The following ADGRL4 variants were observed in gnomAD, a reference collection of about 807,000 sequenced individuals.
ADGRL4 encodes EGF, latrophilin and seven transmembrane domain containing 1.
Under a neutral mutation model 74.8 loss-of-function variants are expected in ADGRL4, and 90 were observed. The observed-to-expected ratio is 1.20, with a 90% confidence interval of 1.02 to 1.43. The LOEUF is 1.43. Among genes scored for constraint, ADGRL4 ranks in the 40% most tolerant of loss-of-function variants. The pLI is 0.00. For missense variants in ADGRL4, 881 were observed against 814.3 expected (o/e 1.08, Z -1.00); for synonymous variants, 311 against 279.2 (o/e 1.11, Z -1.14).
At chr1:78,911,311 A>G (rs924602025) in intron 12 of ADGRL4, among the ~76,000 whole-genome samples, 1 of 151,854 alleles carries the variant, frequency 6.6e-6, no homozygotes, top group African/African-American at 2.4e-5. Context: ...AGAAACGGTG[A>G]AAGCAATCTT....
intron 12 of ADGRL4, among the ~76,000 whole-genome samples, chr1:78,909,429 G>A (rs1648711127): frequency 6.6e-6 from 1 of 151,780 alleles, no homozygotes; most frequent in Non-Finnish European, 1.5e-5. Flanking sequence ...GGCATTTTTG[G>A]TTGTCATATT....
At chr1:78,896,897 G>C (rs773349804) in intron 12 of ADGRL4, among the ~76,000 whole-genome samples, 1 of 152,126 alleles carries the variant, frequency 6.6e-6, no homozygotes, top group African/African-American at 2.4e-5. Flanking sequence ...CACTCACAGT[G>C]AGTTCATCAT....
intron 2 of ADGRL4, among the ~76,000 whole-genome samples, chr1:78,982,948 G>A (rs1650425355): frequency 6.6e-6 from 1 of 151,724 alleles, no homozygotes; most frequent in South Asian, 2.1e-4. Context: ...CCTTAAAAGG[G>A]TCCTCATCAG....
At chr1:78,992,816 T>A (rs915698810) in intron 2 of ADGRL4, among the ~76,000 whole-genome samples, 1 of 152,104 alleles carries the variant, frequency 6.6e-6, no homozygotes, top group Non-Finnish European at 1.5e-5. Flanking sequence ...ATATAATATA[T>A]ACTGTACAGT....
At chr1:78,934,223 G>A (rs1649306705) in intron 7 of ADGRL4, among the ~76,000 whole-genome samples, 1 of 151,238 alleles carries the variant, frequency 6.6e-6, no homozygotes, top group Non-Finnish European at 1.5e-5. Context: ...GTACCAAAAA[G>A]AACAGAGACC....
In ADGRL4 at chr1:79,005,058, A is replaced by C. The variant is rs529808429; in HGVS notation, c.172+12T>G. The C allele has an allele frequency of 6.2e-6, 10 of 1,608,916 alleles. No homozygotes were observed. The South Asian group carries it at 1.1e-4, about 18-fold the overall frequency. On this transcript the variant is annotated intron_variant, in intron 2 of 14. Transcript: ENST00000370742. ...ACAGTATAATCCAAAAGAAGTAACA[A>C]AGCTTGTTTACCTTCACAAATTGTG...
chr1:78,991,131 G>A (rs954494357), intron 2 of ADGRL4, among the ~76,000 whole-genome samples: 65 of 152,152 alleles, frequency 4.3e-4, no homozygotes, highest in African/African-American at 1.5e-3. Context: ...CTTCAATTAT[G>A]TTTTTAATAC....
chr1:78,920,029 G>T (rs555841452), intron 10 of ADGRL4, among the ~76,000 whole-genome samples, 154 bp downstream of exon 10: 46 of 152,016 alleles, frequency 3.0e-4, no homozygotes, highest in African/African-American at 1.1e-3. Flanking sequence ...AGCTGTGTTA[G>T]CATTATCAAA....
intron 2 of ADGRL4, among the ~76,000 whole-genome samples, chr1:78,999,919 G>T (rs1650807445): frequency 6.7e-6 from 1 of 150,370 alleles, no homozygotes; most frequent in Non-Finnish European, 1.5e-5. Flanking sequence ...TTCTTAATTT[G>T]GGAAAAAAAT....
Position 78,917,908 on chromosome 1 carries a change from A to T in ADGRL4, c.1604T>A (p.Ile535Asn). ...CACGGCTGGGCTTAGATAGCCAAAG[A>T]TATAAAAATTCTTGTGCAAAAATCC... ...NKGFLHKNFY[I>N]FGYLSPAVVV... Residue 535 changes from isoleucine (I) to asparagine (N), a missense_variant, in exon 11 of 15, where the codon ATC (isoleucine) becomes AAC (asparagine). Physicochemically the swap from Ile to Asn is moderately radical, Grantham distance 149 (BLOSUM62 -3). Transcript: ENST00000370742. 1 of 1,612,808 alleles carries T rather than the reference A, an allele frequency of 6.2e-7. No individual in the cohort carries two copies. The highest frequency in any genetic ancestry group is 8.5e-7 in the Non-Finnish European group (1 of 1,179,166).
chr1:78,906,062 C>T (rs1343459439), intron 12 of ADGRL4, among the ~76,000 whole-genome samples: 1 of 151,850 alleles, frequency 6.6e-6, no homozygotes, highest in Admixed American at 6.6e-5. Context: ...CAATGGACAA[C>T]TTTCAATAGT....
intron 2 of ADGRL4, among the ~76,000 whole-genome samples, chr1:79,001,907 C>T (rs1427871138): frequency 6.6e-6 from 1 of 151,900 alleles, no homozygotes; most frequent in Non-Finnish European, 1.5e-5. Context: ...GCACTGATAT[C>T]TTTTAATTAT....
At chr1:78,894,568 G>A (rs953993392) in intron 12 of ADGRL4, among the ~76,000 whole-genome samples, 2 of 151,694 alleles carry the variant, frequency 1.3e-5, no homozygotes, top group Non-Finnish European at 3.0e-5. Flanking sequence ...TCATACTCAT[G>A]AAACTGGAAT....
chr1:78,960,166 T>G (rs1649920450), intron 2 of ADGRL4, among the ~76,000 whole-genome samples: 1 of 152,316 alleles, frequency 6.6e-6, no homozygotes, highest in Non-Finnish European at 1.5e-5. Context: ...TAAAAGCATA[T>G]CATTGTATTA....
At position 78,920,257 on chromosome 1, in the gene ADGRL4, G is replaced by C. The variant is rs762643254; in HGVS notation, c.1387C>G (p.His463Asp). 1 of 1,611,924 alleles carries C rather than the reference G, an allele frequency of 6.2e-7. No homozygotes were observed. Among genetic ancestry groups the C allele is most frequent in the Non-Finnish European group, 8.5e-7 (1 of 1,178,846 alleles). ...AATAGGCTACAGCAAAGATTTTTGT[G>C]AATTGTTGTCCTGGTGCTTTGAATT... ...SEIQSTRTTI[H>D]KNLCCSLFLA... The change falls in exon 10 of 15, where the codon CAC (histidine) becomes GAC (aspartate). Residue 463 changes from histidine (H) to aspartate (D), a missense_variant. Transcript: ENST00000370742.
intron 3 of ADGRL4, 70 bp downstream of exon 3, chr1:78,946,204 A>G (rs1038771967): frequency 2.2e-5 from 30 of 1,350,682 alleles, no homozygotes; most frequent in Admixed American, 2.6e-5. Flanking sequence ...TGGTTTGAAT[A>G]TGTTTAACCT....
intron 12 of ADGRL4, among the ~76,000 whole-genome samples, chr1:78,913,001 G>A (rs988324599): frequency 6.6e-6 from 1 of 151,858 alleles, no homozygotes; most frequent in Non-Finnish European, 1.5e-5. Context: ...CTGTTCAAAA[G>A]GAGACATACA....
chr1:78,904,610 C>A (rs922742993), intron 12 of ADGRL4, among the ~76,000 whole-genome samples: 3 of 151,928 alleles, frequency 2.0e-5, no homozygotes, highest in Admixed American at 6.6e-5. Flanking sequence ...AGTTTGAAAA[C>A]CACTTTCTTA....
chr1:78,948,365 G>A (rs11585250), intron 2 of ADGRL4, among the ~76,000 whole-genome samples: 13,651 of 151,914 alleles, frequency 0.09, 816 homozygotes, highest in East Asian at 0.33. Context: ...AATAGAAGGT[G>A]GTGTCGTGTA....
Sources: allele counts gnomAD v4.1 joint callset (sites outside exome capture counted in the v4.1 genomes callset), GRCh38; gene constraint gnomAD v4.1.1; transcripts MANE v1.5; gene names NCBI Gene and HGNC (gene_info 2026-07-23, HGNC 2026-07-21).